IFT56: variants seen among roughly 807,000 people sequenced by gnomAD.
IFT56 encodes the protein intraflagellar transport 56.
At chr7:139,160,031 G>GAGTATAAA in the IFT56 span, among the ~76,000 whole-genome samples, 1 of 152,232 alleles carries the variant, frequency 6.6e-6, no homozygotes, top group Non-Finnish European at 1.5e-5. Context: ...AAGGGATCTT[G>GAGTATAAA]AGACCAAAAA....
At chr7:139,160,427 A>C in the IFT56 span, among the ~76,000 whole-genome samples, 8 of 144,718 alleles carry the variant, frequency 5.5e-5, no homozygotes, top group African/African-American at 1.9e-4. Context: ...GTTTCAAGTC[A>C]CTTAACTTTT....
chr7:139,144,049 T>G, the IFT56 span, among the ~76,000 whole-genome samples: 1 of 152,158 alleles, frequency 6.6e-6, no homozygotes, highest in Non-Finnish European at 1.5e-5. Flanking sequence ...TATTACTGTT[T>G]TATGCAGTTA....
At chr7:139,137,287 C>G in the IFT56 span, among the ~76,000 whole-genome samples, 2 of 152,224 alleles carry the variant, frequency 1.3e-5, no homozygotes, top group Non-Finnish European at 2.9e-5. Flanking sequence ...TCTGAACATC[C>G]TTAACTCTTG....
chr7:139,173,487 C>G, the IFT56 span: 1 of 703,940 alleles, frequency 1.4e-6, no homozygotes, highest in East Asian at 2.5e-5. Context: ...CCTCGGCCTC[C>G]CAAAGTGCTG....
At chr7:139,177,175 A>C in the IFT56 span, among the ~76,000 whole-genome samples, 1 of 151,226 alleles carries the variant, frequency 6.6e-6, no homozygotes, top group Non-Finnish European at 1.5e-5. Context: ...CCGTCTCAAA[A>C]AAAAAAAAAG....
At chr7:139,140,959 T>TTTTTATTTTTTTTTTA in the IFT56 span, among the ~76,000 whole-genome samples, 1 of 151,054 alleles carries the variant, frequency 6.6e-6, no homozygotes, top group African/African-American at 2.4e-5. Context: ...GACTTTTTTT[T>TTTTTATTTTTTTTTTA]TTTTTTAAAA....
the IFT56 span, chr7:139,174,377 C>A: frequency 2.2e-6 from 1 of 464,412 alleles, no homozygotes; most frequent in Non-Finnish European, 4.3e-6. Flanking sequence ...CCTCCACTGG[C>A]GGCCCGCGTT....
the IFT56 span, chr7:139,148,321 G>C: frequency 6.2e-7 from 1 of 1,613,906 alleles, no homozygotes; most frequent in Non-Finnish European, 8.5e-7. Context: ...TAGTACCATC[G>C]CACTCAATCT....
the IFT56 span, among the ~76,000 whole-genome samples, chr7:139,189,020 TG>T: frequency 6.6e-6 from 1 of 152,154 alleles, no homozygotes; most frequent in Non-Finnish European, 1.5e-5. Flanking sequence ...AGAATAGAAA[TG>T]GGAATAGTTA....
chr7:139,170,191 A>G, the IFT56 span, among the ~76,000 whole-genome samples: 1 of 152,230 alleles, frequency 6.6e-6, no homozygotes, highest in East Asian at 1.9e-4. Flanking sequence ...CAAACCAATA[A>G]CAAGTAATGA....
the IFT56 span, among the ~76,000 whole-genome samples, chr7:139,135,149 C>T: frequency 6.6e-6 from 1 of 151,808 alleles, no homozygotes; most frequent in Non-Finnish European, 1.5e-5. Flanking sequence ...CATGGTGGCA[C>T]GTGTCTGTAG....
chr7:139,181,196 A>C, the IFT56 span: 1 of 1,606,242 alleles, frequency 6.2e-7, no homozygotes, highest in South Asian at 1.1e-5. Flanking sequence ...TGACTGCTAC[A>C]AGGTGAGTCT....
At chr7:139,187,353 T>A in the IFT56 span, 15 of 1,595,960 alleles carry the variant, frequency 9.4e-6, no homozygotes, top group East Asian at 3.1e-4. Flanking sequence ...GTTCAGGTTC[T>A]TTCTGTGCAA....
chr7:139,182,981 A>T, the IFT56 span, among the ~76,000 whole-genome samples: 2 of 152,196 alleles, frequency 1.3e-5, no homozygotes, highest in Non-Finnish European at 2.9e-5. Context: ...GTCTTAAAAA[A>T]TTTGATATTA....
chr7:139,149,058 C>A, the IFT56 span, among the ~76,000 whole-genome samples: 2 of 152,096 alleles, frequency 1.3e-5, no homozygotes, highest in Non-Finnish European at 2.9e-5. Context: ...GTAATCCCAG[C>A]ACTTTGGGAG....
At chr7:139,160,678 C>T in the IFT56 span, among the ~76,000 whole-genome samples, 6 of 152,142 alleles carry the variant, frequency 3.9e-5, no homozygotes, top group Non-Finnish European at 7.3e-5. Flanking sequence ...CTTTGTGATC[C>T]GCCCGCCTTG....
the IFT56 span, among the ~76,000 whole-genome samples, chr7:139,166,448 CCT>C: frequency 6.6e-6 from 1 of 151,926 alleles, no homozygotes. Context: ...TTTTTCATCA[CCT>C]CTTTTTTGTT....
chr7:139,136,700 C>T, the IFT56 span, among the ~76,000 whole-genome samples: 8 of 152,134 alleles, frequency 5.3e-5, no homozygotes, highest in African/African-American at 1.4e-4. Context: ...AACTCCTGGG[C>T]TCAAGGGATC....
chr7:139,148,064 A>G, the IFT56 span: 1 of 660,152 alleles, frequency 1.5e-6, no homozygotes, highest in Middle Eastern at 4.1e-4. Flanking sequence ...AAAGAAAAAA[A>G]TTATACTGAT....
Sources: gnomAD v4.1 joint callset for allele counts (sites outside exome capture counted in the v4.1 genomes callset) on GRCh38, gnomAD v4.1.1 for gene constraint, MANE v1.5 for transcripts, NCBI Gene and HGNC (gene_info 2026-07-23, HGNC 2026-07-21) for gene names.